XRCC4: variants seen among roughly 807,000 people sequenced by gnomAD.
The protein encoded by XRCC4 is DNA repair protein XRCC4.
XRCC4 carries 28 observed loss-of-function variants against 39.1 expected under a neutral mutation model. The observed-to-expected ratio is 0.72, with a 90% CI of 0.53 to 0.98. The LOEUF (loss-of-function observed/expected upper bound fraction) is 0.98, where lower values mean the gene tolerates loss of function less well. Ranked by LOEUF, XRCC4 falls within the 50% of genes least tolerant of loss-of-function variation. The pLI is 0.00. For missense variants in XRCC4, 350 were observed against 376.4 expected (o/e 0.93, Z 0.58); for synonymous variants, 123 against 126.4 (o/e 0.97, Z 0.18).
chr5:83,199,707 A>G (rs1751097694), intron 4 of XRCC4, among the ~76,000 whole-genome samples: 1 of 151,820 alleles, frequency 6.6e-6, no homozygotes, highest in Admixed American at 6.6e-5. Context: ...TTTCCCACCC[A>G]GAGACATTTT....
intron 3 of XRCC4, among the ~76,000 whole-genome samples, chr5:83,185,038 CTAAGGTTCCCATA>C (rs1218368167): frequency 1.3e-5 from 2 of 151,958 alleles, no homozygotes; most frequent in Non-Finnish European, 2.9e-5. Context: ...GTAGAGATTT[CTAAGGTTCCCATA>C]TACTATAATT....
At chr5:83,233,229 G>T (rs563785293) in intron 6 of XRCC4, among the ~76,000 whole-genome samples, 31 of 152,146 alleles carry the variant, frequency 2.0e-4, no homozygotes, top group Non-Finnish European at 4.0e-4. Flanking sequence ...AGTTTAATAT[G>T]TCTGATGTCA....
intron 7 of XRCC4, among the ~76,000 whole-genome samples, chr5:83,333,426 G>GA (rs1464750706): frequency 1.3e-5 from 2 of 152,082 alleles, no homozygotes. Flanking sequence ...TGAATCCTAT[G>GA]AAAAACTCCT....
chr5:83,258,552 C>T lies in XRCC4; in HGVS notation c.768C>T (p.Ser256=). ...LASAAVSKDD[S]IISSLDVTDI... ...CAGCTGCTGTAAGTAAAGATGATTC[C>T]ATTATTTCAAGTCTTGATGTCACTG... The change falls in exon 7 of 8, where the codon TCC becomes TCT. Residue 256 remains serine, a synonymous_variant. Coordinates refer to ENST00000396027, the MANE Select transcript of XRCC4 (RefSeq NM_003401.5). 6.2e-7 allele frequency: 1 copy of T among 1,606,132 alleles called. No homozygotes were observed. The highest frequency in any genetic ancestry group is 8.5e-7 in the Non-Finnish European group (1 of 1,177,892).
Position 83,139,015 on chromosome 5 carries a change from A to G in XRCC4, c.315+27812A>G, listed in dbSNP as rs77059916. On this transcript the variant is annotated intron_variant, in intron 3 of 7. Transcript: ENST00000396027. ...TGTTCACATATTCCATTATATAATT[A>G]TAGTACAATTATTAAAACTAAGAAA... Among the ~76,000 whole-genome samples the G allele has an allele frequency of 2.9e-3, 442 of 152,284 alleles. 11 individuals carry two copies. In the East Asian group the frequency reaches 0.074, roughly 25 times the overall value.
At chr5:83,347,108 C>T (rs1335999510) in intron 7 of XRCC4, among the ~76,000 whole-genome samples, 1 of 152,018 alleles carries the variant, frequency 6.6e-6, no homozygotes, top group Non-Finnish European at 1.5e-5. Context: ...ACTAATAGTA[C>T]ATCAAAATTA....
intron 6 of XRCC4, among the ~76,000 whole-genome samples, chr5:83,255,803 C>A (rs1040459654): frequency 6.6e-6 from 1 of 152,052 alleles, no homozygotes; most frequent in African/African-American, 2.4e-5. Context: ...TGTAAAGATT[C>A]CTGAGCAGGA....
chr5:83,233,346 G>C (rs1349358002), intron 6 of XRCC4, among the ~76,000 whole-genome samples: 2 of 152,102 alleles, frequency 1.3e-5, no homozygotes, highest in Non-Finnish European at 2.9e-5. Flanking sequence ...CTTTTCTCTG[G>C]AAGTGAATCC....
chr5:83,324,945 T>C (rs1756198882), intron 7 of XRCC4, among the ~76,000 whole-genome samples: 1 of 152,146 alleles, frequency 6.6e-6, no homozygotes. Context: ...CAGGTGATCA[T>C]GTAGAATGGA....
At chr5:83,150,736 G>C (rs1210151077) in intron 3 of XRCC4, among the ~76,000 whole-genome samples, 1 of 152,058 alleles carries the variant, frequency 6.6e-6, no homozygotes, top group African/African-American at 2.4e-5. Flanking sequence ...TCTATGTTCT[G>C]TCATGACAGC....
intron 4 of XRCC4, among the ~76,000 whole-genome samples, chr5:83,196,681 T>G (rs951121634): frequency 1.3e-5 from 2 of 151,612 alleles, no homozygotes; most frequent in African/African-American, 4.8e-5. Context: ...CACACATATA[T>G]ATACAGTGAG....
chr5:83,312,031 G>A (rs1417151419), intron 7 of XRCC4, among the ~76,000 whole-genome samples: 2 of 152,134 alleles, frequency 1.3e-5, no homozygotes, highest in Non-Finnish European at 2.9e-5. Context: ...AGGGGCCTGG[G>A]AACATATATT....
Position 83,269,727 on chromosome 5 carries a change from A to G in XRCC4, c.893+11050A>G, listed in dbSNP as rs549560804. On this transcript the variant is annotated intron_variant, in intron 7 of 7. Transcript: ENST00000396027. The stretch of plus-strand genomic sequence containing the variant: ...AAATAGGCCTTTTGTATAATACGGG[A>G]AAGAAAATATTTAGTAGATCTAACC... 4.6e-5 allele frequency among the ~76,000 whole-genome samples: 7 copies of G among 152,182 alleles called. No individual in the cohort carries two copies. In the East Asian group the frequency reaches 1.4e-3, roughly 29 times the overall value.
the XRCC4 span, among the ~76,000 whole-genome samples, chr5:83,363,281 G>A: frequency 3.3e-5 from 5 of 152,256 alleles, no homozygotes; most frequent in African/African-American, 1.2e-4. Context: ...AGAGAGTGTG[G>A]CCTGATCAGT....
chr5:83,307,684 A>T (rs1755536636), intron 7 of XRCC4, among the ~76,000 whole-genome samples: 1 of 152,202 alleles, frequency 6.6e-6, no homozygotes, highest in Non-Finnish European at 1.5e-5. Context: ...AAGCACAGAG[A>T]TAGAAAGAAA....
At chr5:83,320,219 A>T (rs1460491961) in intron 7 of XRCC4, among the ~76,000 whole-genome samples, 1 of 93,456 alleles carries the variant, frequency 1.1e-5, no homozygotes, top group Non-Finnish European at 2.0e-5. Context: ...GGGTCGGGGG[A>T]GGGGGGAGGG....
chr5:83,102,189 T>C (rs537239482), intron 1 of XRCC4, among the ~76,000 whole-genome samples: 74 of 152,228 alleles, frequency 4.9e-4, no homozygotes, highest in Non-Finnish European at 2.8e-4. Flanking sequence ...AGACTACCAG[T>C]TGGGACTCAG....
chr5:83,325,747 G>A (rs1285165212), intron 7 of XRCC4, among the ~76,000 whole-genome samples: 1 of 151,958 alleles, frequency 6.6e-6, no homozygotes, highest in African/African-American at 2.4e-5. Flanking sequence ...CTTTGCTATT[G>A]TGAATAGTGC....
At chr5:83,366,141 A>G in the XRCC4 span, among the ~76,000 whole-genome samples, 1 of 152,248 alleles carries the variant, frequency 6.6e-6, no homozygotes, top group Non-Finnish European at 1.5e-5. Flanking sequence ...TGAGTATTAT[A>G]CATCATTAAT....
Sources: gnomAD v4.1 joint callset for allele counts (sites outside exome capture counted in the v4.1 genomes callset) on GRCh38, gnomAD v4.1.1 for gene constraint, MANE v1.5 for transcripts, NCBI Gene and HGNC (gene_info 2026-07-23, HGNC 2026-07-21) for gene names.